Variants in ATPSCKMT observed in about 807,000 individuals in gnomAD.
The protein encoded by ATPSCKMT is ATP synthase c subunit lysine N-methyltransferase, also known as ATP synthase subunit C lysine N-methyltransferase.
In ATPSCKMT, 24 loss-of-function variants were observed where a neutral mutation model predicts 24.3. The ratio of observed to expected loss-of-function variants is 0.99; its 90% CI spans 0.71 to 1.39. The LOEUF is 1.39. Among genes scored for constraint, ATPSCKMT ranks in the 40% most tolerant of loss-of-function variants. The pLI, the probability that ATPSCKMT is intolerant of heterozygous loss-of-function variation, is 0.00. For synonymous variants in ATPSCKMT, 95 were observed against 110.5 expected, an observed-to-expected ratio of 0.86 and a Z score of 0.88; for missense variants, 311 against 298.4, an observed-to-expected ratio of 1.04 and a Z score of -0.31.
intron 3 of ATPSCKMT, 112 bp from the exon 4 acceptor site, chr5:10,235,373 T>C (rs1195561426): frequency 1.2e-6 from 1 of 859,372 alleles, no homozygotes. Flanking sequence ...ACGGTGGGTT[T>C]TGATGAACTC....
At chr5:10,236,351 T>C (rs1459086929) in intron 3 of ATPSCKMT, 127 bp downstream of exon 3, 34 of 1,172,570 alleles carry the variant, frequency 2.9e-5, no homozygotes, top group Non-Finnish European at 3.4e-5. Flanking sequence ...TATTTCATTA[T>C]GCCAGAATAT....
At chr5:10,248,420 T>C (rs564821950) in intron 1 of ATPSCKMT, 3 of 152,326 alleles carry the variant, frequency 2.0e-5, no homozygotes, top group South Asian at 2.1e-4. Flanking sequence ...AAACACTGAA[T>C]TGGCAAAGCT....
At chr5:10,245,607 C>G (rs189366307) in intron 1 of ATPSCKMT, among the ~76,000 whole-genome samples, 2 of 151,830 alleles carry the variant, frequency 1.3e-5, no homozygotes, top group Admixed American at 6.6e-5. Flanking sequence ...ATTAGCCAGG[C>G]CTGGTGGTGT....
At chr5:10,242,465 G>A (rs766630355) in intron 1 of ATPSCKMT, among the ~76,000 whole-genome samples, 1 of 152,178 alleles carries the variant, frequency 6.6e-6, no homozygotes, top group Non-Finnish European at 1.5e-5. Context: ...CTCATCTTCA[G>A]GCTCCACTTC....
At chr5:10,234,578 C>A (rs199688147) in intron 4 of ATPSCKMT, among the ~76,000 whole-genome samples, 1 of 152,162 alleles carries the variant, frequency 6.6e-6, no homozygotes, top group Non-Finnish European at 1.5e-5. Context: ...ATTATGGCTA[C>A]AATGATAGAC....
rs1355368977 is a variant in ATPSCKMT, at chr5:10,239,345, C to T, written c.28G>A (p.Glu10Lys). 9.9e-6 allele frequency: 16 copies of T among 1,613,486 alleles called. No individual in the cohort carries two copies. Among genetic ancestry groups the T allele is most frequent in the Admixed American group, 3.3e-5 (2 of 59,980 alleles). ...GACTGACTTTCTTCTTTAAGTGTTT[C>T]TAGGGGTATACCTAGATTGAAAGCA... MEGGGGIPLETLKEESQSRH... is the reference protein window; with the variant it reads MEGGGGIPLKTLKEESQSRH... Residue 10 changes from glutamate to lysine, a missense_variant, in exon 2 of 5, where the codon GAA becomes AAA. Transcript: ENST00000511437.
At chr5:10,229,826 G>A (rs139993948) in intron 4 of ATPSCKMT, among the ~76,000 whole-genome samples, 28 of 152,306 alleles carry the variant, frequency 1.8e-4, no homozygotes, top group Middle Eastern at 3.4e-3. Flanking sequence ...TCGAATGCTC[G>A]AATTCTCCTA....
At chr5:10,242,316 T>C (rs1168933636) in intron 1 of ATPSCKMT, among the ~76,000 whole-genome samples, 2 of 152,230 alleles carry the variant, frequency 1.3e-5, no homozygotes, top group African/African-American at 2.4e-5. Context: ...TATTCTAAGT[T>C]CTTTGTCATC....
intron 4 of ATPSCKMT, 53 bp from the exon 5 acceptor site, chr5:10,227,700 T>A (rs1054082139): frequency 6.6e-7 from 1 of 1,514,810 alleles, no homozygotes; most frequent in Non-Finnish European, 8.9e-7. Context: ...GAGGAAATGA[T>A]CCCAAAATTT....
intron 1 of ATPSCKMT, among the ~76,000 whole-genome samples, chr5:10,240,407 T>C (rs193071032): frequency 1.2e-3 from 176 of 152,208 alleles, no homozygotes; most frequent in Non-Finnish European, 2.1e-3. Context: ...GAAATTAATA[T>C]TGACAAAATT....
intron 2 of ATPSCKMT, 110 bp from the exon 3 acceptor site, chr5:10,236,725 C>G: frequency 6.7e-7 from 1 of 1,495,496 alleles, no homozygotes. Context: ...CAAAAAGCAC[C>G]TCCCGTGACT....
chr5:10,235,217 A>G lies in ATPSCKMT; in HGVS notation c.489T>C (p.Pro163=). The change falls in exon 4 of 5, where the codon CCT becomes CCC. Residue 163 remains proline, a synonymous_variant. Coordinates refer to ENST00000511437, the MANE Select transcript of ATPSCKMT (RefSeq NM_199133.4). ...QYSNVVIFGV[P]QMMLQLEKKL... ...CAGGAAAGTGCATACTCACCATCTG[A>G]GGCACACCGAAAATAACAACGTTCG... The G allele has an allele frequency of 1.2e-6, 2 of 1,613,814 alleles. No homozygotes were observed. The highest frequency in any genetic ancestry group is 1.7e-6 in the Non-Finnish European group (2 of 1,179,768).
intron 2 of ATPSCKMT, 172 bp from the exon 3 acceptor site, chr5:10,236,787 G>A (rs1156675793): frequency 8.8e-6 from 13 of 1,473,354 alleles, no homozygotes; most frequent in East Asian, 7.5e-5. Context: ...TGTGGACAAC[G>A]TAATAGTCAA....
intron 1 of ATPSCKMT, chr5:10,249,266 A>C (rs1745159985): frequency 6.6e-6 from 1 of 151,346 alleles, no homozygotes; most frequent in Admixed American, 6.6e-5. Flanking sequence ...TGTCTCAAAA[A>C]AAAAAAAAAA....
Position 10,227,526 on chromosome 5 carries a change from A to G in ATPSCKMT, c.617T>C (p.Val206Ala). Reference protein sequence around the residue: ...DHVTGEGIDTVWAYDASTFRG... With the variant: ...DHVTGEGIDTAWAYDASTFRG... The stretch of plus-strand genomic sequence containing the variant: ...AAAAGTGCTTGCATCATATGCCCAC[A>G]CTGTGTCTATCCCCTCCCCCGTGAC... The change falls in exon 5 of 5, where the codon GTG (valine) becomes GCG (alanine). Residue 206 changes from valine to alanine, a missense_variant. By Grantham distance (64) the Val-to-Ala change is moderately conservative. Coordinates refer to ENST00000511437, the MANE Select transcript of ATPSCKMT (RefSeq NM_199133.4). The G allele has an allele frequency of 4.3e-6, 7 of 1,614,190 alleles. No homozygotes were observed. Among genetic ancestry groups the G allele is most frequent in the Non-Finnish European group, 5.9e-6 (7 of 1,180,036 alleles).
At position 10,249,870 on chromosome 5, in the gene ATPSCKMT, C is replaced by G; in HGVS notation, c.4G>C (p.Glu2Gln). 6.5e-7 allele frequency: 1 copy of G among 1,548,816 alleles called. No homozygotes were observed. ...GCTCCAGCCTCACCTCCTCCTCCCT[C>G]CATCGCGAGATTTCCAACAGCGTTT... M[E>Q]GGGGIPLETL... Residue 2 changes from glutamate to glutamine, a missense_variant, in exon 1 of 5, where the codon GAG (glutamate) becomes CAG (glutamine). Transcript: ENST00000511437.
Position 10,236,599 on chromosome 5 carries a change from T to C in ATPSCKMT, c.323A>G (p.Lys108Arg), listed in dbSNP as rs753654498. ...GDGRIVIAAAKKGFTAVGYEL... is the reference protein window; with the variant it reads ...GDGRIVIAAARKGFTAVGYEL... Reference sequence around the variant, plus strand: ...ATAACCAACTGCTGTGAACCCTTTCTTCGCAGCCGCTATGACCTGTGGAGA... The same window carrying C: ...ATAACCAACTGCTGTGAACCCTTTCCTCGCAGCCGCTATGACCTGTGGAGA... The change falls in exon 3 of 5, where the codon AAG becomes AGG. Residue 108 changes from lysine to arginine, a missense_variant. Physicochemically the swap from Lys to Arg is conservative, Grantham distance 26 (BLOSUM62 2). Transcript: ENST00000511437. 4.3e-6 allele frequency: 7 copies of C among 1,614,194 alleles called. No individual in the cohort carries two copies. The East Asian group carries it at 6.7e-5, about 15-fold the overall frequency.
At chr5:10,249,295 C>G (rs1489644788) in intron 1 of ATPSCKMT, 1 of 151,354 alleles carries the variant, frequency 6.6e-6, no homozygotes, top group East Asian at 1.9e-4. Context: ...GTGTGGGACC[C>G]ATTGCATCAG....
intron 4 of ATPSCKMT, among the ~76,000 whole-genome samples, chr5:10,227,962 G>A (rs959008287): frequency 2.0e-5 from 3 of 152,090 alleles, no homozygotes; most frequent in South Asian, 2.1e-4. Flanking sequence ...TTTAAATAAC[G>A]CACTTCAACA....
Sources: allele counts gnomAD v4.1 joint callset (sites outside exome capture counted in the v4.1 genomes callset), GRCh38; gene constraint gnomAD v4.1.1; transcripts MANE v1.5; gene names NCBI Gene and HGNC (gene_info 2026-07-23, HGNC 2026-07-21).